The following CLIC6 variants were observed in gnomAD, a reference collection of about 807,000 sequenced individuals.
CLIC6 encodes chloride intracellular channel protein 6.
CLIC6 carries 39 observed loss-of-function variants against 49.2 expected under a neutral mutation model. That is an observed-to-expected ratio of 0.79 (90% CI 0.61 to 1.04). The LOEUF is 1.04. Among genes scored for constraint, CLIC6 ranks in the 50% least tolerant of loss-of-function variants. CLIC6 has a pLI of 0.00. For synonymous variants in CLIC6, 446 were observed against 433.4 expected (o/e 1.03, Z -0.36); for missense variants, 988 against 993.1 (o/e 0.99, Z 0.07).
intron 1 of CLIC6, among the ~76,000 whole-genome samples, chr21:34,673,031 A>G (rs1989596104): frequency 6.6e-6 from 1 of 152,182 alleles, no homozygotes; most frequent in Admixed American, 6.5e-5. Flanking sequence ...ATTTTTAGGG[A>G]AAATCCCTCT....
intron 1 of CLIC6, among the ~76,000 whole-genome samples, chr21:34,695,196 C>T (rs548841962): frequency 6.6e-6 from 1 of 152,344 alleles, no homozygotes; most frequent in East Asian, 1.9e-4. Flanking sequence ...CTTCTAGAGG[C>T]TGCTTGCATG....
In CLIC6 at chr21:34,670,492, G is replaced by A. The variant is rs1989534081; in HGVS notation, c.1104G>A (p.Gly368=). The A allele has an allele frequency of 7.4e-6, 11 of 1,493,766 alleles. No homozygotes were observed. In the South Asian group the frequency reaches 1.3e-4, roughly 18 times the overall value. The allele number at this position is 1,493,766 out of a possible 1,614,324, so 92.5% of individuals were successfully genotyped here. ...RVGDGPQQEP[G]EDEERRERSP... ...GGGATGGGCCACAGCAGGAGCCGGG[G>A]GAGGACGAAGAGAGACGAGAGCGGA... The change falls in exon 1 of 6, where the codon GGG becomes GGA. Residue 368 remains glycine, a synonymous_variant. Transcript: ENST00000349499.
chr21:34,697,177 G>C (rs970894606), intron 1 of CLIC6, among the ~76,000 whole-genome samples: 5 of 152,162 alleles, frequency 3.3e-5, no homozygotes, highest in Non-Finnish European at 5.9e-5. Context: ...GGTCTGGAGT[G>C]TCTGTCACAA....
chr21:34,709,981 A>G (rs1335281617), intron 5 of CLIC6, among the ~76,000 whole-genome samples: 1 of 152,186 alleles, frequency 6.6e-6, no homozygotes, highest in Non-Finnish European at 1.5e-5. Context: ...AGCTTTTAAC[A>G]GTGACCCTTG....
intron 1 of CLIC6, among the ~76,000 whole-genome samples, chr21:34,697,833 C>T (rs1488666707): frequency 6.6e-6 from 1 of 152,224 alleles, no homozygotes; most frequent in Non-Finnish European, 1.5e-5. Flanking sequence ...GCGGGGCCTG[C>T]CAAGGCTCTC....
At position 34,716,862 on chromosome 21, in the gene CLIC6, T is replaced by TCTCTCTCTCTCTCTCTCACACACA; in HGVS notation, c.*381_*382insTCTCTCTCTCTCTCTCACACACAC. The TCTCTCTCTCTCTCTCTCACACACA allele has an allele frequency of 5.3e-5, 7 of 131,634 alleles. No individual in the cohort carries two copies. Among genetic ancestry groups the TCTCTCTCTCTCTCTCTCACACACA allele is most frequent in the African/African-American group, 1.9e-4 (6 of 31,216 alleles). The allele number at this position is 131,634 out of a possible 1,614,324, so 8.2% of individuals were successfully genotyped here. On this transcript the variant is annotated 3_prime_UTR_variant, in exon 6 of 6. Coordinates refer to ENST00000349499, the MANE Select transcript of CLIC6 (RefSeq NM_053277.3). ...CTCTCTCTCTCTCTCTCTCTCTCTA[T>TCTCTCTCTCTCTCTCTCACACACA]CACACACACACACACACACACACAC...
At chr21:34,700,458 A>AAAG (rs1555878737) in intron 1 of CLIC6, among the ~76,000 whole-genome samples, 8 of 139,676 alleles carry the variant, frequency 5.7e-5, no homozygotes, top group African/African-American at 1.4e-4. Context: ...AAAAAAAAAA[A>AAAG]AAAAGAAAAG....
chr21:34,674,212 A>G (rs1601258228), intron 1 of CLIC6, among the ~76,000 whole-genome samples: 1 of 152,104 alleles, frequency 6.6e-6, no homozygotes, highest in Non-Finnish European at 1.5e-5. Context: ...CAGCCTGCTG[A>G]GTAGCTGGGA....
intron 1 of CLIC6, among the ~76,000 whole-genome samples, chr21:34,684,772 T>A (rs1989844309): frequency 6.6e-6 from 1 of 152,228 alleles, no homozygotes; most frequent in Non-Finnish European, 1.5e-5. Context: ...AATAAATCAC[T>A]GTAATTATAG....
chr21:34,682,188 C>G (rs79057845), intron 1 of CLIC6, among the ~76,000 whole-genome samples: 2,394 of 152,240 alleles, frequency 0.016, 67 homozygotes, highest in African/African-American at 0.055. Flanking sequence ...GGCATTGCTA[C>G]GGGAAAGGGT....
At chr21:34,672,536 A>G (rs1018994122) in intron 1 of CLIC6, among the ~76,000 whole-genome samples, 6 of 152,260 alleles carry the variant, frequency 3.9e-5, no homozygotes, top group South Asian at 2.1e-4. Context: ...TGGATGTCAT[A>G]TCTTCCAGTC....
rs1466378193 is a variant in CLIC6, at chr21:34,709,550, C to T, written c.1899+12C>T. The T allele has an allele frequency of 6.2e-7, 1 of 1,612,434 alleles. No individual in the cohort carries two copies. The highest frequency in any genetic ancestry group is 8.5e-7 in the Non-Finnish European group (1 of 1,178,746). ...TCCATATTATTAAGGTTCATCTTCC[C>T]TCCCGACACGTGTGCCGAGTACACG... On this transcript the variant is annotated intron_variant, in intron 5 of 5. Coordinates refer to ENST00000349499, the MANE Select transcript of CLIC6 (RefSeq NM_053277.3).
In CLIC6 at chr21:34,670,421, G is replaced by T; in HGVS notation, c.1033G>T (p.Ala345Ser). 6.8e-7 allele frequency: 1 copy of T among 1,460,818 alleles called. No homozygotes were observed. 90.5% of individuals were successfully genotyped at this position (1,460,818 alleles called of 1,614,324 possible). The change falls in exon 1 of 6, where the codon GCG (alanine) becomes TCG (serine). Residue 345 changes from alanine to serine, a missense_variant. Ala to Ser is a moderately conservative substitution (Grantham distance 99, BLOSUM62 1). This residue lies in a region of CLIC6 where 647 missense variants were observed against 596.9 expected (regional missense o/e 1.08). Transcript: ENST00000349499. ...CCCGGGGGTAAAGGGGTCCGAAGAA[G>T]CGGCCCCCGGGGACGCAAGGGCAGA... ...EVPGVKGSEE[A>S]APGDARADAG... is the part of the protein sequence containing the mutation.
Position 34,716,447 on chromosome 21 carries a change from C to A in CLIC6, c.2026C>A (p.His676Asn). Reference protein sequence around the residue: ...NTCPADQEIEHAYSDVAKRMK With the variant: ...NTCPADQEIENAYSDVAKRMK Reference sequence around the variant, plus strand: ...GTGTCCAGCTGATCAAGAGATTGAACACGCATATTCAGATGTTGCAAAAAG... The same window carrying A: ...GTGTCCAGCTGATCAAGAGATTGAAAACGCATATTCAGATGTTGCAAAAAG... Residue 676 changes from histidine to asparagine, a missense_variant, in exon 6 of 6, where the codon CAC (histidine) becomes AAC (asparagine). By Grantham distance (68) the His-to-Asn change is moderately conservative. Transcript: ENST00000349499. 2 of 1,612,464 alleles carry A rather than the reference C, an allele frequency of 1.2e-6. No homozygotes were observed. The highest frequency in any genetic ancestry group is 1.7e-6 in the Non-Finnish European group (2 of 1,179,450).
At chr21:34,712,926 C>G (rs1307900832) in intron 5 of CLIC6, among the ~76,000 whole-genome samples, 1 of 152,200 alleles carries the variant, frequency 6.6e-6, no homozygotes, top group Non-Finnish European at 1.5e-5. Context: ...CTAACCCCAA[C>G]TCTAATGTGT....
intron 5 of CLIC6, among the ~76,000 whole-genome samples, chr21:34,713,970 G>A (rs1350092482): frequency 6.6e-6 from 1 of 152,168 alleles, no homozygotes; most frequent in Non-Finnish European, 1.5e-5. Flanking sequence ...ATGTCTTCAT[G>A]AACCCATTAA....
At position 34,670,721 on chromosome 21, in the gene CLIC6, C is replaced by G. The variant is rs1344525458; in HGVS notation, c.1333C>G (p.Arg445Gly). The G allele has an allele frequency of 1.1e-5, 17 of 1,599,206 alleles. No homozygotes were observed. Among genetic ancestry groups the G allele is most frequent in the Non-Finnish European group, 1.4e-5 (17 of 1,177,144 alleles). ...RREDGEASEPRALGQEHDITL... is the reference protein window; with the variant it reads ...RREDGEASEPGALGQEHDITL... ...GGAGGACGGAGAGGCGTCCGAGCCC[C>G]GGGCCCTGGGGCAGGAGCACGACAT... The change falls in exon 1 of 6, where the codon CGG (arginine) becomes GGG (glycine). Residue 445 changes from arginine to glycine, a missense_variant. Physicochemically the swap from Arg to Gly is moderately radical, Grantham distance 125. Transcript: ENST00000349499.
At chr21:34,689,458 C>T (rs927522096) in intron 1 of CLIC6, among the ~76,000 whole-genome samples, 3 of 152,188 alleles carry the variant, frequency 2.0e-5, no homozygotes, top group Non-Finnish European at 4.4e-5. Context: ...GTGTTTCAAA[C>T]CACGTGCCTT....
At position 34,670,586 on chromosome 21, in the gene CLIC6, G is replaced by T; in HGVS notation, c.1198G>T (p.Gly400Trp). ...GGAATCCCCCGACAGCAGCCCACAT[G>T]GGGAGGCCTCCAGGGGCGCCGCGGA... Reference protein sequence around the residue: ...EEESPDSSPHGEASRGAAEPE... With the variant: ...EEESPDSSPHWEASRGAAEPE... Residue 400 changes from glycine (G) to tryptophan (W), a missense_variant, in exon 1 of 6, where the codon GGG becomes TGG. Around this residue, in one of 3 missense-constraint regions of CLIC6, gnomAD observed 647 missense variants for 596.9 expected, o/e 1.08. Coordinates refer to ENST00000349499, the MANE Select transcript of CLIC6 (RefSeq NM_053277.3). 6.5e-7 allele frequency: 1 copy of T among 1,528,280 alleles called. No homozygotes were observed. Among genetic ancestry groups the T allele is most frequent in the Non-Finnish European group, 8.8e-7 (1 of 1,138,076 alleles). 94.7% of individuals were successfully genotyped at this position (1,528,280 alleles called of 1,614,324 possible). A position where few individuals can be genotyped will look rare whatever the true frequency, so the allele number is the denominator to read the frequency against.
Sources: gnomAD v4.1 joint callset for allele counts (sites outside exome capture counted in the v4.1 genomes callset) on GRCh38, gnomAD v4.1.1 for gene constraint, gnomAD v4.1.1 regional missense constraint, MANE v1.5 for transcripts, NCBI Gene and HGNC (gene_info 2026-07-23, HGNC 2026-07-21) for gene names.